Variants in RNF38 observed in about 807,000 individuals in gnomAD.
RNF38 encodes the protein ring finger protein 38, also known as E3 ubiquitin-protein ligase RNF38.
A neutral mutation model predicts 67.2 loss-of-function variants in RNF38; 15 were observed. That is an observed-to-expected ratio of 0.22 (90% confidence interval 0.15 to 0.34). The LOEUF is 0.34. RNF38 is among the 10% of genes least tolerant of loss of function. RNF38 has a pLI of 1.00. For missense variants in RNF38, 524 were observed against 639.9 expected (o/e 0.82, Z 1.95); for synonymous variants, 220 against 218.8 (o/e 1.01, Z -0.05).
At chr9:36,444,135 T>C (rs1178096839) in intron 1 of RNF38, among the ~76,000 whole-genome samples, 1 of 152,114 alleles carries the variant, frequency 6.6e-6, no homozygotes, top group Non-Finnish European at 1.5e-5. Flanking sequence ...ATAAAACATC[T>C]GCAAACAAGA....
At position 36,339,253 on chromosome 9, in the gene RNF38, G is replaced by C. The variant is rs919575547; in HGVS notation, c.*499C>G. On this transcript the variant is annotated 3_prime_UTR_variant, in exon 12 of 12. Transcript: ENST00000259605. ...CATTCTTGGTACATGCTGGTATATA[G>C]GATCTCATACACACGTTAGCTACCA... 1 of 158,022 alleles carries C rather than the reference G, an allele frequency of 6.3e-6. No individual in the cohort carries two copies. The highest frequency in any genetic ancestry group is 1.4e-5 in the Non-Finnish European group (1 of 70,952). The allele number at this position is 158,022 out of a possible 1,614,324, so 9.8% of individuals were successfully genotyped here.
rs144448118 is a variant in RNF38 at position 36,344,144 on chromosome 9, A to G, written c.1385+688T>C. Among the ~76,000 whole-genome samples, 493 of 152,178 alleles carry G rather than the reference A, an allele frequency of 3.2e-3. 2 individuals are homozygous for G. The highest frequency in any genetic ancestry group is 4.5e-3 in the Non-Finnish European group (303 of 68,006). ...TTCTCCCTGCCTCAGCCTTTCGAGT[A>G]GCTGGGATTACAGGTGCCTGCCACC... On this transcript the variant is annotated intron_variant, in intron 10 of 11. Transcript: ENST00000259605.
At chr9:36,375,870 G>T (rs767263918) in intron 3 of RNF38, 64 bp downstream of exon 3, 47 of 1,450,258 alleles carry the variant, frequency 3.2e-5, no homozygotes, top group Non-Finnish European at 4.3e-5. Context: ...GTTTTCTGAT[G>T]TTAAATATAC....
At chr9:36,445,403 T>C (rs1221414738) in intron 1 of RNF38, among the ~76,000 whole-genome samples, 1 of 152,260 alleles carries the variant, frequency 6.6e-6, no homozygotes, top group East Asian at 1.9e-4. Context: ...AATGGTTATT[T>C]AACTGCATAA....
At chr9:36,347,505 A>G (rs913527456) in intron 9 of RNF38, among the ~76,000 whole-genome samples, 5 of 152,158 alleles carry the variant, frequency 3.3e-5, no homozygotes, top group African/African-American at 4.8e-5. Flanking sequence ...AAACTTTTTC[A>G]TATCTGCTAT....
intron 4 of RNF38, among the ~76,000 whole-genome samples, chr9:36,358,517 C>A (rs2133595541): frequency 6.6e-6 from 1 of 152,272 alleles, no homozygotes; most frequent in South Asian, 2.1e-4. Flanking sequence ...TGAGATCATA[C>A]TACCCTGCAA....
At chr9:36,348,188 G>A (rs1356624855) in intron 9 of RNF38, among the ~76,000 whole-genome samples, 1 of 151,940 alleles carries the variant, frequency 6.6e-6, no homozygotes, top group Admixed American at 6.6e-5. Context: ...ATGTTCTAAA[G>A]GCAAAGGCAA....
At chr9:36,402,101 C>T (rs1452404574), upstream of RNF38, among the ~76,000 whole-genome samples, 1 of 152,172 alleles carries the variant, frequency 6.6e-6, no homozygotes, top group Non-Finnish European at 1.5e-5. Context: ...AAACCCAAGG[C>T]CCAAGTCTAG....
intron 1 of RNF38, among the ~76,000 whole-genome samples, chr9:36,459,778 A>G (rs1487729881): frequency 6.6e-6 from 1 of 152,058 alleles, no homozygotes; most frequent in African/African-American, 2.4e-5. Context: ...TTTCATTTCC[A>G]TCTTCTACTG....
intron 3 of RNF38, 89 bp downstream of exon 3, chr9:36,375,845 G>T: frequency 8.2e-7 from 1 of 1,212,860 alleles, no homozygotes; most frequent in Non-Finnish European, 1.2e-6. Flanking sequence ...TTTATGAAAT[G>T]CCTACAGAAA....
At chr9:36,427,736 G>T (rs1398110265) in intron 1 of RNF38, among the ~76,000 whole-genome samples, 1 of 151,262 alleles carries the variant, frequency 6.6e-6, no homozygotes, top group Admixed American at 6.6e-5. Flanking sequence ...TTTGAGATGA[G>T]TTTCACTCTT....
intron 1 of RNF38, among the ~76,000 whole-genome samples, chr9:36,477,564 G>C (rs2134438064): frequency 1.3e-5 from 2 of 151,988 alleles, no homozygotes; most frequent in Middle Eastern, 3.4e-3. Flanking sequence ...GCTCACACCT[G>C]TAATCCCAAC....
chr9:36,427,490 T>C (rs1838802333), intron 1 of RNF38, among the ~76,000 whole-genome samples: 1 of 152,152 alleles, frequency 6.6e-6, no homozygotes, highest in Admixed American at 6.5e-5. Context: ...GATTGGGTTA[T>C]GAAGGCAGAG....
At chr9:36,347,794 T>G (rs1420099815) in intron 9 of RNF38, among the ~76,000 whole-genome samples, 2 of 152,142 alleles carry the variant, frequency 1.3e-5, no homozygotes, top group Admixed American at 1.3e-4. Context: ...TAGAAATGAT[T>G]AGGCCGGGCA....
intron 2 of RNF38, among the ~76,000 whole-genome samples, chr9:36,413,361 A>G (rs928210576): frequency 6.6e-6 from 1 of 152,154 alleles, no homozygotes; most frequent in African/African-American, 2.4e-5. Context: ...CATGCTTTGT[A>G]TAAAGTCTGC....
intron 1 of RNF38, among the ~76,000 whole-genome samples, chr9:36,426,976 T>C (rs939514809): frequency 6.6e-6 from 1 of 152,194 alleles, no homozygotes; most frequent in Non-Finnish European, 1.5e-5. Flanking sequence ...ATTCAAGAAA[T>C]GGTACTACAA....
intron 1 of RNF38, among the ~76,000 whole-genome samples, chr9:36,394,253 G>A (rs1298628478): frequency 6.6e-6 from 1 of 151,528 alleles, no homozygotes; most frequent in Non-Finnish European, 1.5e-5. Context: ...CCAGCCTGGC[G>A]ACAGAGCAAG....
intron 1 of RNF38, among the ~76,000 whole-genome samples, chr9:36,428,191 C>T (rs984204763): frequency 4.0e-5 from 6 of 151,652 alleles, no homozygotes; most frequent in East Asian, 1.9e-4. Flanking sequence ...CGGAGGCAGG[C>T]GGATCACAAG....
chr9:36,359,764 C>T (rs1834385001), intron 4 of RNF38, among the ~76,000 whole-genome samples: 2 of 138,978 alleles, frequency 1.4e-5, no homozygotes, highest in South Asian at 2.2e-4. Flanking sequence ...GATGGAGTTT[C>T]GCCCAGGCTC....
Sources: gnomAD v4.1 joint callset for allele counts (sites outside exome capture counted in the v4.1 genomes callset) on GRCh38, gnomAD v4.1.1 for gene constraint, MANE v1.5 for transcripts, NCBI Gene and HGNC (gene_info 2026-07-23, HGNC 2026-07-21) for gene names.